MIER2: variants seen among roughly 807,000 people sequenced by gnomAD.
The protein encoded by MIER2 is mesoderm induction early response protein 2.
In MIER2, 30 loss-of-function variants were observed where a neutral mutation model predicts 67.6. The ratio of observed to expected loss-of-function variants is 0.44; its 90% CI spans 0.33 to 0.60. The LOEUF (loss-of-function observed/expected upper bound fraction) is 0.60. Ranked by LOEUF, MIER2 falls within the 20% of genes least tolerant of loss-of-function variation. MIER2 has a pLI of 0.02. For missense variants in MIER2, 702 were observed against 745.1 expected, an observed-to-expected ratio of 0.94 and a Z score of 0.67; for synonymous variants, 372 against 312.6, an observed-to-expected ratio of 1.19 and a Z score of -2.00.
rs757847593 is a variant in MIER2 at position 307,393 on chromosome 19, C to A, written c.1342G>T (p.Ala448Ser). 1.2e-6 allele frequency: 2 copies of A among 1,607,262 alleles called. No homozygotes were observed. Among genetic ancestry groups the A allele is most frequent in the Non-Finnish European group, 1.7e-6 (2 of 1,178,172 alleles). ...PAVPLSHRPP[A>S]LADPASYQPA... ...TGGTATGAGGCTGGGTCGGCCAGGG[C>A]TGGGGGCCGATGGGACAGGGGTACA... Residue 448 changes from alanine to serine, a missense_variant, in exon 13 of 14, where the codon GCC becomes TCC. By Grantham distance (99) the Ala-to-Ser change is moderately conservative. Coordinates refer to ENST00000264819, the MANE Select transcript of MIER2 (RefSeq NM_017550.3).
rs143443949 is a variant in MIER2 at position 329,601 on chromosome 19, C to A, written c.244-1612G>T. ...CACCCCAGCTTCACTTCAGAAGATG[C>A]TGGACAGCCGGGCAGGATGGCTCAT... On this transcript the variant is annotated intron_variant, in intron 3 of 13. Transcript: ENST00000264819. 9.0e-3 allele frequency among the ~76,000 whole-genome samples: 1,368 copies of A among 152,280 alleles called. 24 individuals are homozygous for A. Among genetic ancestry groups the A allele is most frequent in the African/African-American group, 0.031 (1,307 of 41,548 alleles).
At position 308,199 on chromosome 19, in the gene MIER2, G is replaced by A. The variant is rs568065215; in HGVS notation, c.1198+378C>T. ...ATGGCCTCAGGTGCAAGATCCTGGC[G>A]ACGGCTCCGGACACCCTGTCCTTCC... On this transcript the variant is annotated intron_variant, in intron 12 of 13. Transcript: ENST00000264819. This position sits in a 1 kb window ranked among gnomAD's most constrained non-coding sequence, Gnocchi z 9.1. Among the ~76,000 whole-genome samples the A allele has an allele frequency of 6.6e-6, 1 of 152,294 alleles. No individual in the cohort carries two copies. Among genetic ancestry groups the A allele is most frequent in the South Asian group, 2.1e-4 (1 of 4,826 alleles).
intron 3 of MIER2, among the ~76,000 whole-genome samples, chr19:329,670 C>T (rs1015549131): frequency 4.3e-4 from 66 of 152,020 alleles, no homozygotes; most frequent in Admixed American, 1.2e-3. Flanking sequence ...AGGCGGATCA[C>T]GAGATCAGGA....
In MIER2 at chr19:306,778, G is replaced by A. The variant is rs369889630; in HGVS notation, c.1617-67C>T. The A allele has an allele frequency of 2.1e-4, 333 of 1,549,914 alleles. 2 individuals are homozygous for A. The African/African-American group carries it at 3.8e-3, about 18-fold the overall frequency. Reference sequence around the variant, plus strand: ...CGGCCCCACGTGCCTGCACAGCCCAGTGCTGAGCGCTGGACTCGAGACTCC... The same window carrying A: ...CGGCCCCACGTGCCTGCACAGCCCAATGCTGAGCGCTGGACTCGAGACTCC... On this transcript the variant is annotated intron_variant, in intron 13 of 13. Coordinates refer to ENST00000264819, the MANE Select transcript of MIER2 (RefSeq NM_017550.3).
In MIER2 at chr19:333,159, ATTTTG is replaced by A. The variant is rs1435221835; in HGVS notation, c.243+1236_243+1240del. On this transcript the variant is annotated intron_variant, in intron 3 of 13. Transcript: ENST00000264819. Reference sequence around the variant, plus strand: ...AGTCACCCGCCACTATGCCCGGCTAATTTTGTTTTTGTATTTTTAGTAGAGACGGG... The same window carrying A: ...AGTCACCCGCCACTATGCCCGGCTAATTTTTGTATTTTTAGTAGAGACGGG... Among the ~76,000 whole-genome samples the A allele has an allele frequency of 2.0e-5, 2 of 100,086 alleles. 1 individual carries two copies. Among genetic ancestry groups the A allele is most frequent in the Non-Finnish European group, 3.8e-5 (2 of 53,254 alleles). 65.7% of individuals were successfully genotyped at this position (100,086 alleles called of 152,430 possible).
chr19:309,817 G>A (rs1350015282), intron 10 of MIER2, among the ~76,000 whole-genome samples: 33 of 118,196 alleles, frequency 2.8e-4, no homozygotes, highest in Middle Eastern at 9.9e-3. Context: ...GCTTCAGGGA[G>A]ACGAGAAGGG....
At chr19:319,526 T>C (rs1432588586) in intron 7 of MIER2, among the ~76,000 whole-genome samples, 1 of 152,210 alleles carries the variant, frequency 6.6e-6, no homozygotes, top group South Asian at 2.1e-4. Flanking sequence ...TGGCGAAATC[T>C]TGGCTCACTG....
intron 10 of MIER2, 83 bp downstream of exon 10, chr19:311,762 G>C (rs370119624): frequency 1.5e-6 from 2 of 1,334,674 alleles, no homozygotes; most frequent in East Asian, 2.4e-5. Flanking sequence ...GCCTCCAGTC[G>C]GCCGTGTGCT....
chr19:326,167 C>A (rs192281982), intron 6 of MIER2, among the ~76,000 whole-genome samples: 51 of 151,628 alleles, frequency 3.4e-4, no homozygotes, highest in African/African-American at 1.2e-3. Flanking sequence ...GTTGGGGACA[C>A]GGCAGAACCA....
chr19:341,540 C>G (rs1217950277), intron 1 of MIER2, among the ~76,000 whole-genome samples: 1 of 152,134 alleles, frequency 6.6e-6, no homozygotes, highest in African/African-American at 2.4e-5. Flanking sequence ...GAACTTACCA[C>G]GGAATACAGA....
chr19:328,980 A>G (rs543024900), intron 3 of MIER2, among the ~76,000 whole-genome samples: 16 of 152,272 alleles, frequency 1.1e-4, no homozygotes, highest in African/African-American at 3.8e-4. Context: ...AACTATCAAC[A>G]TCATGCTCTC....
rs1202298892 is a variant in MIER2, at chr19:339,464, G to A, written c.10-3291C>T. Among the ~76,000 whole-genome samples the A allele has an allele frequency of 6.6e-5, 10 of 152,334 alleles. No homozygotes were observed. In the South Asian group the frequency reaches 8.3e-4, roughly 13 times the overall value. On this transcript the variant is annotated intron_variant, in intron 1 of 13. Coordinates refer to ENST00000264819, the MANE Select transcript of MIER2 (RefSeq NM_017550.3). The stretch of plus-strand genomic sequence containing the variant: ...GACAGTAACAAGTGTTGACAAGAAC[G>A]TGGACAAAGTGGAACTCTCCTGTGC...
chr19:316,706 G>T (rs1971250876), intron 7 of MIER2, among the ~76,000 whole-genome samples: 1 of 152,214 alleles, frequency 6.6e-6, no homozygotes, highest in African/African-American at 2.4e-5. Context: ...GCCCGGTGTG[G>T]TGGCTCACTC....
At chr19:337,694 C>G (rs1972321869) in intron 1 of MIER2, among the ~76,000 whole-genome samples, 1 of 151,470 alleles carries the variant, frequency 6.6e-6, no homozygotes, top group Non-Finnish European at 1.5e-5. Context: ...TGGTGAAACC[C>G]TGTCTCTACC....
intron 7 of MIER2, 72 bp downstream of exon 7, chr19:325,563 G>A: frequency 6.4e-7 from 1 of 1,559,534 alleles, no homozygotes; most frequent in South Asian, 1.1e-5. Context: ...GACTGTCCAA[G>A]GATCTGACGT....
chr19:315,360 C>T (rs992872854), intron 7 of MIER2, among the ~76,000 whole-genome samples: 15 of 152,330 alleles, frequency 9.8e-5, no homozygotes, highest in African/African-American at 3.6e-4. Context: ...AGCGAGACTC[C>T]GTCTCAAACA....
chr19:344,010 G>T, intron 1 of MIER2: 1 of 985,454 alleles, frequency 1.0e-6, no homozygotes, highest in Non-Finnish European at 1.2e-6. Context: ...AAATCCCACA[G>T]ATCCTCAAAT....
intron 7 of MIER2, among the ~76,000 whole-genome samples, chr19:323,731 A>T (rs1180558914): frequency 6.6e-6 from 1 of 151,954 alleles, no homozygotes; most frequent in East Asian, 1.9e-4. Flanking sequence ...GACAACTCAA[A>T]CGACACAGAC....
chr19:309,846 A>G, intron 10 of MIER2, among the ~76,000 whole-genome samples: 1 of 103,542 alleles, frequency 9.7e-6, no homozygotes, highest in Non-Finnish European at 2.1e-5. Context: ...ACACACGCAC[A>G]CAAGGCTTCA....
Sources: gnomAD v4.1 joint callset for allele counts (sites outside exome capture counted in the v4.1 genomes callset) on GRCh38, gnomAD v4.1.1 for gene constraint, Gnocchi (gnomAD v3.1) non-coding constraint, MANE v1.5 for transcripts, NCBI Gene and HGNC (gene_info 2026-07-23, HGNC 2026-07-21) for gene names.